The following LRRC9 variants were observed in gnomAD, a reference collection of about 807,000 sequenced individuals.
The protein encoded by LRRC9 is leucine-rich repeat-containing protein 9.
Under a neutral mutation model 63.2 loss-of-function variants are expected in LRRC9, and 122 were observed. The observed-to-expected ratio is 1.93, with a 90% confidence interval of 1.67 to 2.24. The LOEUF (loss-of-function observed/expected upper bound fraction) is 2.24. Among genes scored for constraint, LRRC9 ranks in the 30% most tolerant of loss-of-function variants. The pLI, the probability that LRRC9 is intolerant of heterozygous loss-of-function variation, is 0.00. For synonymous variants in LRRC9, 366 were observed against 213.1 expected, an observed-to-expected ratio of 1.72 and a Z score of -6.25; for missense variants, 1,071 against 627.7, an observed-to-expected ratio of 1.71 and a Z score of -7.55.
chr14:59,960,170 C>CAT (rs2139966697), intron 9 of LRRC9, among the ~76,000 whole-genome samples, 156 bp downstream of exon 9: 1 of 152,258 alleles, frequency 6.6e-6, no homozygotes, highest in East Asian at 1.9e-4. Flanking sequence ...GTTCCTAGTA[C>CAT]ATATAAGCAT....
intron 26 of LRRC9, among the ~76,000 whole-genome samples, chr14:60,022,367 T>C (rs767380653): frequency 4.0e-5 from 6 of 151,850 alleles, no homozygotes; most frequent in Non-Finnish European, 5.9e-5. Flanking sequence ...TAAACTCCTT[T>C]ATTGCTTCAA....
At position 59,956,347 on chromosome 14, in the gene LRRC9, C is replaced by T. The variant is rs555856937; in HGVS notation, c.883-3471C>T. The stretch of plus-strand genomic sequence containing the variant: ...GTATTGGGTGCATATATATTTAGGA[C>T]AGTTTGCTCTTCTTGTTGCATTGAT... On this transcript the variant is annotated intron_variant, in intron 8 of 31. Transcript: ENST00000445360. 1.4e-4 allele frequency among the ~76,000 whole-genome samples: 22 copies of T among 152,118 alleles called. 1 individual carries two copies. Among genetic ancestry groups the T allele is most frequent in the African/African-American group, 5.1e-4 (21 of 41,504 alleles).
chr14:59,942,669 G>A lies in LRRC9; in HGVS notation c.727-1920G>A, dbSNP rs866322020. On this transcript the variant is annotated intron_variant, in intron 7 of 31. Coordinates refer to ENST00000445360, the Ensembl canonical transcript of LRRC9. The surrounding 1 kb of genome is among the most constrained non-coding windows in gnomAD (Gnocchi z 5.3). Reference sequence around the variant, plus strand: ...CTTGAACCCAGAAGGCAGAAGTTGCGGTGAGCCGATATCACACCACTGCAC... The same window carrying A: ...CTTGAACCCAGAAGGCAGAAGTTGCAGTGAGCCGATATCACACCACTGCAC... Among the ~76,000 whole-genome samples the A allele has an allele frequency of 2.0e-5, 3 of 152,018 alleles. No individual in the cohort carries two copies. Among genetic ancestry groups the A allele is most frequent in the Admixed American group, 6.6e-5 (1 of 15,256 alleles).
chr14:59,929,566 C>G (rs1889511353), intron 3 of LRRC9, among the ~76,000 whole-genome samples: 1 of 152,088 alleles, frequency 6.6e-6, no homozygotes, highest in Non-Finnish European at 1.5e-5. Context: ...CCCAGCAATT[C>G]CATTACTGGG....
chr14:59,965,096 T>C (rs1461802146), intron 10 of LRRC9, among the ~76,000 whole-genome samples: 1 of 152,194 alleles, frequency 6.6e-6, no homozygotes, highest in African/African-American at 2.4e-5. Flanking sequence ...AATGTATTCC[T>C]TATAAGACCA....
intron 20 of LRRC9, among the ~76,000 whole-genome samples, chr14:60,002,895 A>G (rs779940815): frequency 7.9e-5 from 12 of 152,316 alleles, no homozygotes; most frequent in Non-Finnish European, 1.6e-4. Context: ...AGATCAAGCC[A>G]AAATTCAGAC....
chr14:59,928,333 G>A (rs1313899017), exon 3 of LRRC9: 1 of 676,582 alleles, frequency 1.5e-6, no homozygotes, highest in Non-Finnish European at 2.7e-6. Flanking sequence ...CAAAGTTGGA[G>A]ATGTTTTTCT....
intron 29 of LRRC9, among the ~76,000 whole-genome samples, chr14:60,045,916 G>A (rs1056928122): frequency 6.6e-6 from 1 of 151,394 alleles, no homozygotes; most frequent in African/African-American, 2.4e-5. Flanking sequence ...TTTTTTCTCT[G>A]CAATCTCACC....
intron 30 of LRRC9, among the ~76,000 whole-genome samples, chr14:60,055,817 A>T (rs1176560172): frequency 6.6e-6 from 1 of 151,446 alleles, no homozygotes; most frequent in African/African-American, 2.4e-5. Flanking sequence ...AGGTGGGAGA[A>T]TCTCTTGAGC....
intron 26 of LRRC9, among the ~76,000 whole-genome samples, chr14:60,020,874 T>G (rs1444564405): frequency 6.6e-6 from 1 of 151,952 alleles, no homozygotes; most frequent in Non-Finnish European, 1.5e-5. Flanking sequence ...TGTTACATAA[T>G]GTTTATTCAT....
chr14:59,965,505 G>A lies in LRRC9; in HGVS notation c.1212-1084G>A, dbSNP rs1278601917. 3.9e-5 allele frequency among the ~76,000 whole-genome samples: 6 copies of A among 152,120 alleles called. No individual in the cohort carries two copies. In the East Asian group the frequency reaches 1.2e-3, roughly 29 times the overall value. On this transcript the variant is annotated intron_variant, in intron 10 of 31. Coordinates refer to ENST00000445360, the Ensembl canonical transcript of LRRC9. Reference sequence around the variant, plus strand: ...GTCCAATGAGAGATCGTGGTGATTTGGATTAGGATGGTAACAGTGGTGATG... The same window carrying A: ...GTCCAATGAGAGATCGTGGTGATTTAGATTAGGATGGTAACAGTGGTGATG...
intron 1 of LRRC9, among the ~76,000 whole-genome samples, chr14:59,920,706 GA>G (rs942945174): frequency 2.0e-5 from 3 of 151,474 alleles, no homozygotes; most frequent in Non-Finnish European, 2.9e-5. Context: ...ACTGGGCAGA[GA>G]AAAAAAAAGT....
intron 17 of LRRC9, among the ~76,000 whole-genome samples, chr14:59,987,586 C>T (rs1460817085): frequency 6.6e-6 from 1 of 151,568 alleles, no homozygotes; most frequent in Non-Finnish European, 1.5e-5. Context: ...TAAGATACAT[C>T]GCTATATGCC....
intron 17 of LRRC9, among the ~76,000 whole-genome samples, chr14:59,996,720 G>A (rs766950694): frequency 1.8e-4 from 27 of 152,306 alleles, no homozygotes; most frequent in Non-Finnish European, 2.6e-4. Context: ...ATTGTCTACT[G>A]TTGGAAGAAA....
chr14:60,033,501 T>G (rs560061096), intron 29 of LRRC9, among the ~76,000 whole-genome samples: 213 of 152,264 alleles, frequency 1.4e-3, no homozygotes, highest in Middle Eastern at 3.4e-3. Flanking sequence ...GGTTTTGTCT[T>G]GAATGGGCAT....
Position 60,031,456 on chromosome 14 carries a change from A to G in LRRC9, c.3922-539A>G, listed in dbSNP as rs752697987. 3.7e-4 allele frequency among the ~76,000 whole-genome samples: 56 copies of G among 152,092 alleles called. No homozygotes were observed. Among genetic ancestry groups the G allele is most frequent in the Admixed American group, 9.2e-4 (14 of 15,240 alleles). Reference sequence around the variant, plus strand: ...AAAATGTATTTGCAAACTTTCACCAATGTTAAATGGAAGCTAATAAATAAT... The same window carrying G: ...AAAATGTATTTGCAAACTTTCACCAGTGTTAAATGGAAGCTAATAAATAAT... On this transcript the variant is annotated intron_variant, in intron 28 of 31. Coordinates refer to ENST00000445360, the Ensembl canonical transcript of LRRC9. The surrounding 1 kb of genome is among the most constrained non-coding windows in gnomAD (Gnocchi z 4.6).
chr14:59,931,320 T>G (rs184327810), intron 4 of LRRC9, among the ~76,000 whole-genome samples: 1 of 152,258 alleles, frequency 6.6e-6, no homozygotes, highest in Admixed American at 6.5e-5. Flanking sequence ...AAAAGAGGTT[T>G]AGATAAGTTA....
At chr14:59,977,258 A>G (rs1217604683) in exon 14 of LRRC9, 2 of 694,150 alleles carry the variant, frequency 2.9e-6, no homozygotes, top group African/African-American at 3.5e-5. Flanking sequence ...TTCCTTGGCC[A>G]GAGTGTTCAG....
chr14:59,974,723 G>A lies in LRRC9; in HGVS notation c.1639+15G>A. 1 of 622,710 alleles carries A rather than the reference G, an allele frequency of 1.6e-6. No homozygotes were observed. Among genetic ancestry groups the A allele is most frequent in the Non-Finnish European group, 2.9e-6 (1 of 350,608 alleles). The allele number at this position is 622,710 out of a possible 1,614,324, so 38.6% of individuals were successfully genotyped here. The stretch of plus-strand genomic sequence containing the variant: ...CTTCAGACATGGTAAATACAAATAT[G>A]CCATGTTTCTGAACTTTTAAGTTCT... On this transcript the variant is annotated intron_variant, in intron 13 of 31. Coordinates refer to ENST00000445360, the Ensembl canonical transcript of LRRC9.
Sources: allele counts gnomAD v4.1 joint callset (sites outside exome capture counted in the v4.1 genomes callset), GRCh38; gene constraint gnomAD v4.1.1; non-coding constraint Gnocchi (gnomAD v3.1); transcripts MANE v1.5; gene names NCBI Gene and HGNC (gene_info 2026-07-23, HGNC 2026-07-21).